Variants in HIBADH observed in about 807,000 individuals in gnomAD.
The protein encoded by HIBADH is 3-hydroxyisobutyrate dehydrogenase, also known as 3-hydroxyisobutyrate dehydrogenase, mitochondrial.
Under a neutral mutation model 36.1 loss-of-function variants are expected in HIBADH, and 25 were observed. The observed-to-expected ratio is 0.69, with a 90% CI of 0.50 to 0.97. HIBADH has a LOEUF of 0.97. Ranked by LOEUF, HIBADH falls within the 50% of genes least tolerant of loss-of-function variation. The pLI, the probability that HIBADH is intolerant of heterozygous loss-of-function variation, is 0.00. For missense variants in HIBADH, 421 were observed against 418.0 expected, an observed-to-expected ratio of 1.01 and a Z score of -0.06; for synonymous variants, 160 against 149.5, an observed-to-expected ratio of 1.07 and a Z score of -0.51.
At chr7:27,622,811 G>A (rs1261628899) in intron 4 of HIBADH, among the ~76,000 whole-genome samples, 1 of 152,152 alleles carries the variant, frequency 6.6e-6, no homozygotes, top group Non-Finnish European at 1.5e-5. Context: ...AAAAGTCCAG[G>A]ACCAGACAAA....
At chr7:27,645,824 G>GT (rs1277605939) in intron 2 of HIBADH, among the ~76,000 whole-genome samples, 1 of 152,098 alleles carries the variant, frequency 6.6e-6, no homozygotes, top group African/African-American at 2.4e-5. Flanking sequence ...TGCTGGCGTT[G>GT]TAAGACTTCT....
rs536326516 is a variant in HIBADH at position 27,661,228 on chromosome 7, C to A, written c.91+1470G>T. On this transcript the variant is annotated intron_variant, in intron 1 of 7. Transcript: ENST00000265395. ...TCTTGCATCTCACCGAGCCTCTGTT[C>A]TTCTCCAGCCAGAAAGGAAATTCAG... Among the ~76,000 whole-genome samples, 118 of 152,234 alleles carry A rather than the reference C, an allele frequency of 7.8e-4. 2 individuals carry two copies. Among genetic ancestry groups the A allele is most frequent in the Admixed American group, 1.1e-3 (17 of 15,300 alleles).
intron 2 of HIBADH, among the ~76,000 whole-genome samples, chr7:27,645,579 A>C (rs1786054778): frequency 6.6e-6 from 1 of 151,502 alleles, no homozygotes. Context: ...ACAGGGTTTC[A>C]CCATGTTGGC....
chr7:27,532,400 A>G (rs1387235976), intron 6 of HIBADH, among the ~76,000 whole-genome samples: 1 of 152,246 alleles, frequency 6.6e-6, no homozygotes, highest in East Asian at 1.9e-4. Flanking sequence ...AATGTTAAAC[A>G]AACTGTGCAT....
chr7:27,648,339 A>G (rs1419335139), intron 2 of HIBADH, among the ~76,000 whole-genome samples: 1 of 152,210 alleles, frequency 6.6e-6, no homozygotes, highest in Non-Finnish European at 1.5e-5. Flanking sequence ...ACTACCCTGA[A>G]AAGTTCCAAA....
intron 4 of HIBADH, among the ~76,000 whole-genome samples, chr7:27,579,341 T>C (rs1230604745): frequency 6.6e-6 from 1 of 152,134 alleles, no homozygotes; most frequent in Non-Finnish European, 1.5e-5. Flanking sequence ...AACACATAAA[T>C]TGAAATTTAA....
chr7:27,549,281 C>CTG (rs1784280447), intron 4 of HIBADH, among the ~76,000 whole-genome samples: 1 of 152,056 alleles, frequency 6.6e-6, no homozygotes, highest in Non-Finnish European at 1.5e-5. Context: ...GTGCTTTTAT[C>CTG]ACAAAAATAG....
intron 2 of HIBADH, among the ~76,000 whole-genome samples, chr7:27,645,373 T>TTTTTTTTTG: frequency 8.3e-6 from 1 of 120,964 alleles, no homozygotes; most frequent in Admixed American, 8.3e-5. Flanking sequence ...TTTTGATTTT[T>TTTTTTTTTG]TTTTTTTTTT....
intron 2 of HIBADH, among the ~76,000 whole-genome samples, chr7:27,644,216 A>C (rs989301354): frequency 4.6e-5 from 7 of 152,168 alleles, no homozygotes; most frequent in Non-Finnish European, 2.9e-5. Context: ...CTGTAATCCC[A>C]GCACTTTGGG....
intron 4 of HIBADH, among the ~76,000 whole-genome samples, chr7:27,596,355 A>G (rs1234997741): frequency 6.6e-6 from 1 of 152,214 alleles, no homozygotes; most frequent in Non-Finnish European, 1.5e-5. Context: ...AACAGTTCCC[A>G]AAAGTTCCCA....
At chr7:27,599,276 CA>C (rs1562637490) in intron 4 of HIBADH, among the ~76,000 whole-genome samples, 2 of 152,130 alleles carry the variant, frequency 1.3e-5, no homozygotes, top group Non-Finnish European at 2.9e-5. Flanking sequence ...AATGAAAGAA[CA>C]TTTTTTAAAG....
At chr7:27,615,006 A>T (rs1785401889) in intron 4 of HIBADH, among the ~76,000 whole-genome samples, 1 of 152,206 alleles carries the variant, frequency 6.6e-6, no homozygotes, top group South Asian at 2.1e-4. Context: ...TGTGAATCTA[A>T]AACAGAAATG....
chr7:27,586,493 T>G (rs1316266925), intron 4 of HIBADH, among the ~76,000 whole-genome samples: 2 of 152,196 alleles, frequency 1.3e-5, no homozygotes, highest in Non-Finnish European at 2.9e-5. Context: ...TTTTACTAAC[T>G]ATAATTTTGC....
intron 4 of HIBADH, among the ~76,000 whole-genome samples, chr7:27,595,579 GGTGTGTGTGTGTGTGTGTGTGTGTGTGT>G (rs3219776): frequency 6.3e-5 from 9 of 143,436 alleles, no homozygotes; most frequent in African/African-American, 2.1e-4. Flanking sequence ...CATAAGGGCA[GGTGTGTGTGTGTGTGTGTGTGTGTGTGT>G]GTGTGTGTGT....
At chr7:27,602,369 G>A (rs748631695) in intron 4 of HIBADH, among the ~76,000 whole-genome samples, 11 of 152,124 alleles carry the variant, frequency 7.2e-5, no homozygotes, top group Non-Finnish European at 1.6e-4. Context: ...ATAAGGCTGT[G>A]TGCATTTTCA....
intron 6 of HIBADH, among the ~76,000 whole-genome samples, chr7:27,536,536 C>A (rs1784072897): frequency 6.6e-6 from 1 of 152,082 alleles, no homozygotes; most frequent in Non-Finnish European, 1.5e-5. Flanking sequence ...TGCTCTCTTA[C>A]ATCTCTATTT....
chr7:27,650,041 G>C (rs1379572615), intron 1 of HIBADH, among the ~76,000 whole-genome samples: 1 of 151,796 alleles, frequency 6.6e-6, no homozygotes, highest in Non-Finnish European at 1.5e-5. Context: ...TTCCTGTTTT[G>C]TACCTGTATA....
intron 2 of HIBADH, among the ~76,000 whole-genome samples, chr7:27,646,223 G>A (rs762193373): frequency 1.3e-4 from 20 of 152,158 alleles, no homozygotes; most frequent in Non-Finnish European, 2.5e-4. Flanking sequence ...TGGCTTGACT[G>A]ATCTAGGCAC....
At chr7:27,625,936 T>C (rs1280825324) in intron 4 of HIBADH, among the ~76,000 whole-genome samples, 1 of 151,796 alleles carries the variant, frequency 6.6e-6, no homozygotes, top group African/African-American at 2.4e-5. Context: ...ACCCTGTCTC[T>C]ACTAAAAATA....
Sources: allele counts gnomAD v4.1 joint callset (sites outside exome capture counted in the v4.1 genomes callset), GRCh38; gene constraint gnomAD v4.1.1; transcripts MANE v1.5; gene names NCBI Gene and HGNC (gene_info 2026-07-23, HGNC 2026-07-21).